Variants in CSMD1 observed in about 807,000 individuals in gnomAD.
CSMD1 encodes CUB and sushi domain-containing protein 1.
Under a neutral mutation model 417.5 loss-of-function variants are expected in CSMD1, and 213 were observed. That is an observed-to-expected ratio of 0.51 (90% CI 0.46 to 0.57). The LOEUF is 0.57. Ranked by LOEUF, CSMD1 falls within the 20% of genes least tolerant of loss-of-function variation. The pLI, the probability that CSMD1 is intolerant of heterozygous loss-of-function variation, is 0.00. For missense variants in CSMD1, 6,923 were observed against 4,529.7 expected (o/e 1.53, Z -15.17); for synonymous variants, 2,862 against 1,736.8 (o/e 1.65, Z -16.11).
intron 3 of CSMD1, among the ~76,000 whole-genome samples, chr8:4,413,558 A>G (rs1306856280): frequency 6.6e-6 from 1 of 152,168 alleles, no homozygotes. Flanking sequence ...TAATTCTTTT[A>G]AAAAATTATT....
rs535946351 is a variant in CSMD1 at position 3,663,081 on chromosome 8, G to C, written c.1009+45333C>G. 5.3e-5 allele frequency among the ~76,000 whole-genome samples: 8 copies of C among 152,236 alleles called. No homozygotes were observed. The South Asian group carries it at 1.2e-3, about 24-fold the overall frequency. ...GAAAATGCAGATGTCAGCAAAATCA[G>C]AGCCCCACAGAACTGCCCGCAATGA... On this transcript the variant is annotated intron_variant, in intron 7 of 69. Transcript: ENST00000635120.
chr8:3,019,090 G>C (rs1017237144), intron 51 of CSMD1, among the ~76,000 whole-genome samples: 1 of 152,058 alleles, frequency 6.6e-6, no homozygotes, highest in East Asian at 1.9e-4. Context: ...GCTAATTTTT[G>C]TATTTTTAGT....
intron 5 of CSMD1, among the ~76,000 whole-genome samples, chr8:3,955,312 G>T (rs1811869045): frequency 6.6e-6 from 1 of 152,158 alleles, no homozygotes; most frequent in Non-Finnish European, 1.5e-5. Context: ...CATCCAGTGT[G>T]TTCTTGGTGA....
intron 1 of CSMD1, among the ~76,000 whole-genome samples, chr8:4,808,181 G>A (rs1469531572): frequency 1.3e-5 from 2 of 152,190 alleles, no homozygotes; most frequent in Admixed American, 6.5e-5. Flanking sequence ...AGGGCGGCAG[G>A]CAGATTGGTT....
intron 3 of CSMD1, among the ~76,000 whole-genome samples, chr8:4,184,446 G>A (rs552841055): frequency 6.6e-6 from 1 of 152,194 alleles, no homozygotes; most frequent in Non-Finnish European, 1.5e-5. Context: ...CAATATCAAA[G>A]GCATGAAATC....
intron 21 of CSMD1, among the ~76,000 whole-genome samples, chr8:3,352,156 G>T (rs1460465941): frequency 2.6e-5 from 4 of 152,132 alleles, no homozygotes; most frequent in Non-Finnish European, 1.5e-5. Context: ...AACATGGGTG[G>T]GGAAGGAATG....
At chr8:4,675,352 G>A (rs541315006) in intron 1 of CSMD1, among the ~76,000 whole-genome samples, 7 of 152,288 alleles carry the variant, frequency 4.6e-5, no homozygotes, top group Admixed American at 2.0e-4. Flanking sequence ...GTAGAGAAAT[G>A]TTTGACATTT....
chr8:3,437,665 T>C (rs1303786430), intron 12 of CSMD1, among the ~76,000 whole-genome samples: 1 of 152,250 alleles, frequency 6.6e-6, no homozygotes, highest in African/African-American at 2.4e-5. Context: ...TTAACATTAA[T>C]GTTTTCCCTT....
At chr8:4,339,464 C>T (rs1032494866) in intron 3 of CSMD1, among the ~76,000 whole-genome samples, 25 of 152,132 alleles carry the variant, frequency 1.6e-4, no homozygotes, top group East Asian at 5.8e-4. Flanking sequence ...ACAAAGCTAC[C>T]GCGAAATGAG....
At chr8:4,242,584 T>C (rs1270676847) in intron 3 of CSMD1, among the ~76,000 whole-genome samples, 2 of 152,212 alleles carry the variant, frequency 1.3e-5, no homozygotes, top group Admixed American at 6.5e-5. Context: ...GAAATGTTAA[T>C]GAATGTATCT....
intron 3 of CSMD1, among the ~76,000 whole-genome samples, chr8:4,350,489 AG>A (rs2128900626): frequency 6.6e-6 from 1 of 152,320 alleles, no homozygotes; most frequent in Admixed American, 6.5e-5. Context: ...CCACACATAA[AG>A]GTAAGATCAC....
chr8:3,361,920 T>C (rs183705228), intron 20 of CSMD1, among the ~76,000 whole-genome samples: 122 of 152,294 alleles, frequency 8.0e-4, no homozygotes, highest in African/African-American at 2.7e-3. Flanking sequence ...AAGGATTCTC[T>C]TATATTAATT....
At chr8:3,307,083 A>G (rs1418565019) in intron 25 of CSMD1, among the ~76,000 whole-genome samples, 1 of 152,146 alleles carries the variant, frequency 6.6e-6, no homozygotes, top group Non-Finnish European at 1.5e-5. Context: ...AGTCTTTTTA[A>G]AATATGACTT....
chr8:3,992,212 T>G (rs879744428), intron 5 of CSMD1, among the ~76,000 whole-genome samples: 5 of 151,910 alleles, frequency 3.3e-5, no homozygotes, highest in Admixed American at 3.3e-4. Flanking sequence ...TATTTCCCAT[T>G]TATGCTATAC....
intron 1 of CSMD1, among the ~76,000 whole-genome samples, chr8:4,644,166 T>C (rs1486913310): frequency 6.6e-6 from 1 of 152,132 alleles, no homozygotes; most frequent in Non-Finnish European, 1.5e-5. Flanking sequence ...GAGTACCCGG[T>C]TTGTATCACT....
intron 1 of CSMD1, among the ~76,000 whole-genome samples, chr8:4,886,137 C>T (rs1368692691): frequency 6.6e-6 from 1 of 152,012 alleles, no homozygotes; most frequent in African/African-American, 2.4e-5. Flanking sequence ...ACCACAGGCA[C>T]ATGCCACGAC....
intron 5 of CSMD1, among the ~76,000 whole-genome samples, chr8:3,982,037 G>T (rs544225030): frequency 1.7e-4 from 26 of 151,956 alleles, no homozygotes; most frequent in African/African-American, 6.3e-4. Flanking sequence ...CTGGCGCGGT[G>T]ACGGTCGCCT....
intron 51 of CSMD1, among the ~76,000 whole-genome samples, chr8:3,021,088 T>C (rs1585166003): frequency 6.6e-6 from 1 of 152,302 alleles, no homozygotes; most frequent in East Asian, 1.9e-4. Flanking sequence ...AAAATAACAA[T>C]GAGGTCTGAG....
intron 7 of CSMD1, among the ~76,000 whole-genome samples, chr8:3,678,339 T>C (rs1336199090): frequency 1.3e-5 from 2 of 152,128 alleles, no homozygotes; most frequent in African/African-American, 4.8e-5. Context: ...GAGAAGTCTT[T>C]AAAGGACCTG....
Sources: allele counts gnomAD v4.1 joint callset (sites outside exome capture counted in the v4.1 genomes callset), GRCh38; gene constraint gnomAD v4.1.1; transcripts MANE v1.5; gene names NCBI Gene and HGNC (gene_info 2026-07-23, HGNC 2026-07-21).